ANKRD26: variants seen among roughly 807,000 people sequenced by gnomAD.
ANKRD26 encodes ankyrin repeat domain 26, also known as ankyrin repeat domain-containing protein 26.
A neutral mutation model predicts 208.7 loss-of-function variants in ANKRD26; 141 were observed. The ratio of observed to expected loss-of-function variants is 0.68; its 90% CI spans 0.59 to 0.78. The LOEUF is 0.78. ANKRD26 is among the 30% of genes least tolerant of loss of function. The pLI is 0.00. For missense variants in ANKRD26, 1,889 were observed against 1,938.7 expected (o/e 0.97, Z 0.48); for synonymous variants, 636 against 660.4 (o/e 0.96, Z 0.57).
chr10:27,013,101 C>T lies in ANKRD26; in HGVS notation c.4734G>A (p.Glu1578=). Residue 1578 remains glutamate (E), a synonymous_variant, in exon 32 of 34, where the codon GAG becomes GAA. Coordinates refer to ENST00000376087, the MANE Select transcript of ANKRD26 (RefSeq NM_014915.3). ...GTTTGGTGTTGACCTCTGCTAGCCT[C>T]TCATTAGTTCTGTGAAGATTGCAGA... ...SLSSKLTKTN[E]RLAEVNTKLL... 2 of 1,613,696 alleles carry T rather than the reference C, an allele frequency of 1.2e-6. No individual in the cohort carries two copies. The highest frequency in any genetic ancestry group is 4.5e-5 in the East Asian group (2 of 44,862).
chr10:26,969,999 T>C (rs1344443545), downstream of ANKRD26, among the ~76,000 whole-genome samples: 2 of 52,652 alleles, frequency 3.8e-5, no homozygotes, highest in Non-Finnish European at 7.1e-5. Flanking sequence ...CATGCCCAGC[T>C]AATTTTGTAT....
intron 4 of ANKRD26, among the ~76,000 whole-genome samples, chr10:27,089,509 C>G (rs559193099): frequency 6.6e-6 from 1 of 152,188 alleles, no homozygotes. Context: ...ATTCTATACC[C>G]GGTTGGACAC....
chr10:27,017,114 A>G (rs1201386422), intron 30 of ANKRD26, among the ~76,000 whole-genome samples: 1 of 152,204 alleles, frequency 6.6e-6, no homozygotes, highest in Non-Finnish European at 1.5e-5. Context: ...CATTTGAATC[A>G]TTGTTTCATT....
Position 27,043,421 on chromosome 10 carries a change from C to T in ANKRD26, c.2161+5G>A, listed in dbSNP as rs200396367. ...AAAGGCCTTAAATTTATGCAATGGT[C>T]CTACCTTTACACTCCATTCCAAGTT... On this transcript the variant is annotated splice_donor_5th_base_variant and intron_variant, in intron 20 of 33. Transcript: ENST00000376087. 56 of 1,613,756 alleles carry T rather than the reference C, an allele frequency of 3.5e-5. No individual in the cohort carries two copies. Among genetic ancestry groups the T allele is most frequent in the Non-Finnish European group, 4.7e-5 (56 of 1,179,794 alleles).
intron 3 of ANKRD26, among the ~76,000 whole-genome samples, chr10:26,986,324 C>T (rs1157968063): frequency 1.3e-5 from 2 of 152,108 alleles, no homozygotes; most frequent in Non-Finnish European, 2.9e-5. Context: ...ACCATAAAAA[C>T]CCTAGAAGAA....
chr10:27,003,318 T>C (rs145292280), downstream of ANKRD26, among the ~76,000 whole-genome samples: 93 of 152,250 alleles, frequency 6.1e-4, 1 homozygote, highest in East Asian at 0.017. Flanking sequence ...AACACCAAAT[T>C]AGTAAGCTTT....
At chr10:26,970,074 A>T (rs2052121995), downstream of ANKRD26, among the ~76,000 whole-genome samples, 1 of 152,050 alleles carries the variant, frequency 6.6e-6, no homozygotes, top group South Asian at 2.1e-4. Context: ...CTCCTGCCTC[A>T]GCCGCCCAAA....
intron 9 of ANKRD26, among the ~76,000 whole-genome samples, chr10:27,075,964 A>T (rs2055684306): frequency 1.3e-5 from 2 of 152,346 alleles, no homozygotes; most frequent in Admixed American, 6.5e-5. Context: ...AATTATACAA[A>T]CATATGGTAA....
At chr10:26,982,644 AT>A (rs2052325486) in intron 4 of ANKRD26, among the ~76,000 whole-genome samples, 1 of 152,040 alleles carries the variant, frequency 6.6e-6, no homozygotes, top group South Asian at 2.1e-4. Flanking sequence ...GAAAAACAAT[AT>A]GTATGTGGAG....
At chr10:26,952,994 T>C in the ANKRD26 span, among the ~76,000 whole-genome samples, 1 of 152,214 alleles carries the variant, frequency 6.6e-6, no homozygotes. Flanking sequence ...GGCTGTTGTA[T>C]TGATGTCAGA....
At chr10:27,059,072 G>A (rs11015490) in intron 15 of ANKRD26, among the ~76,000 whole-genome samples, 12,197 of 151,460 alleles carry the variant, frequency 0.081, 577 homozygotes, top group African/African-American at 0.13. Context: ...CTGCCACCAC[G>A]CCTGGCTAAT....
intron 27 of ANKRD26, 94 bp downstream of exon 27, chr10:27,028,757 TG>T: frequency 9.8e-7 from 1 of 1,015,918 alleles, no homozygotes; most frequent in Non-Finnish European, 1.5e-6. Context: ...GAAACACTTC[TG>T]GTCTCAAGCA....
At chr10:26,950,575 A>C in the ANKRD26 span, among the ~76,000 whole-genome samples, 3 of 152,232 alleles carry the variant, frequency 2.0e-5, no homozygotes, top group Non-Finnish European at 4.4e-5. Flanking sequence ...TCTGTTGTTT[A>C]AAAGTGTGTG....
chr10:27,093,742 C>T lies in ANKRD26; in HGVS notation c.300G>A (p.Val100=), dbSNP rs368037668. ...NGHPEVVTLL[V]DRKCQLNVCD... is the part of the protein sequence containing the mutation. ...AGACATTGAGCTGGCATTTTCTGTC[C>T]ACCAGGAGAGTTACTACTTCTGGAT... The change falls in exon 2 of 34, where the codon GTG becomes GTA. Residue 100 remains valine (V), a synonymous_variant. Coordinates refer to ENST00000376087, the MANE Select transcript of ANKRD26 (RefSeq NM_014915.3). The T allele has an allele frequency of 6.8e-6, 11 of 1,614,108 alleles. No homozygotes were observed. The South Asian group carries it at 1.2e-4, about 18-fold the overall frequency.
At chr10:27,093,597 T>A in intron 2 of ANKRD26, 75 bp from the exon 3 acceptor site, 1 of 1,597,398 alleles carries the variant, frequency 6.3e-7, no homozygotes, top group Non-Finnish European at 8.6e-7. Context: ...TTTCACCAAT[T>A]AGTTATATTT....
At chr10:26,971,973 C>T (rs886620305), downstream of ANKRD26, among the ~76,000 whole-genome samples, 3 of 151,986 alleles carry the variant, frequency 2.0e-5, no homozygotes, top group Non-Finnish European at 4.4e-5. Context: ...CAGTGGCTCA[C>T]GCCTGTAATC....
At chr10:27,025,592 C>A (rs2053634679) in intron 27 of ANKRD26, among the ~76,000 whole-genome samples, 1 of 150,766 alleles carries the variant, frequency 6.6e-6, no homozygotes, top group Non-Finnish European at 1.5e-5. Context: ...TGAAAGTCAT[C>A]AAGGCCCTAT....
chr10:27,057,076 T>TAGTA (rs1297638036), intron 15 of ANKRD26, among the ~76,000 whole-genome samples: 1 of 152,230 alleles, frequency 6.6e-6, no homozygotes, highest in African/African-American at 2.4e-5. Context: ...TGGCAAGTCT[T>TAGTA]ATTACTGAGG....
chr10:27,014,064 C>G (rs59668849), intron 31 of ANKRD26, among the ~76,000 whole-genome samples: 1 of 152,108 alleles, frequency 6.6e-6, no homozygotes, highest in Non-Finnish European at 1.5e-5. Flanking sequence ...AAGGAAAGTT[C>G]ATTTATGGAG....
Sources: gnomAD v4.1 joint callset for allele counts (sites outside exome capture counted in the v4.1 genomes callset) on GRCh38, gnomAD v4.1.1 for gene constraint, MANE v1.5 for transcripts, NCBI Gene and HGNC (gene_info 2026-07-23, HGNC 2026-07-21) for gene names.